Variants in EIF3J observed in about 807,000 individuals in gnomAD.
EIF3J encodes eukaryotic translation initiation factor 3 subunit J, also known as eukaryotic translation initiation factor 3, subunit 1 (alpha, 35kD).
Under a neutral mutation model 39.0 loss-of-function variants are expected in EIF3J, and 15 were observed. The ratio of observed to expected loss-of-function variants is 0.38; its 90% CI spans 0.26 to 0.59. The LOEUF is 0.59. Among genes scored for constraint, EIF3J ranks in the 20% least tolerant of loss-of-function variants. The pLI is 0.60. For missense variants in EIF3J, 226 were observed against 308.6 expected (o/e 0.73, Z 2.00); for synonymous variants, 98 against 112.9 (o/e 0.87, Z 0.84).
At position 44,561,989 on chromosome 15, in the gene EIF3J, AGTTAACTACAGTTTGGTAAATTGTTAT is replaced by A. The variant is rs2082202402; in HGVS notation, c.*847_*873del. 2.0e-5 allele frequency: 3 copies of A among 152,760 alleles called. No individual in the cohort carries two copies. In the South Asian group the frequency reaches 6.2e-4, roughly 32 times the overall value. The allele number at this position is 152,760 out of a possible 1,614,324, so 9.5% of individuals were successfully genotyped here. ...TAAAACATGCTCAGCAAACTGCACCAGTTAACTACAGTTTGGTAAATTGTTATGTTAACAATTATGACATCTGCAATG... is the reference window on the plus strand; with the variant it reads ...TAAAACATGCTCAGCAAACTGCACCAGTTAACAATTATGACATCTGCAATG... On this transcript the variant is annotated 3_prime_UTR_variant, in exon 8 of 8. Coordinates refer to ENST00000261868, the MANE Select transcript of EIF3J (RefSeq NM_003758.4).
At chr15:44,548,428 C>T (rs1286649155) in intron 2 of EIF3J, among the ~76,000 whole-genome samples, 2 of 151,774 alleles carry the variant, frequency 1.3e-5, no homozygotes, top group African/African-American at 4.8e-5. Flanking sequence ...AAAACAAGAC[C>T]AAAAAAACCC....
intron 2 of EIF3J, among the ~76,000 whole-genome samples, chr15:44,538,064 C>G (rs753089634): frequency 2.0e-5 from 3 of 151,982 alleles, no homozygotes; most frequent in Non-Finnish European, 4.4e-5. Flanking sequence ...TAGTTCACAC[C>G]GTGACCTGAG....
chr15:44,560,241 T>G lies in EIF3J; in HGVS notation c.572-8T>G. 1 of 1,597,268 alleles carries G rather than the reference T, an allele frequency of 6.3e-7. No individual in the cohort carries two copies. On this transcript the variant is annotated splice_region_variant and splice_polypyrimidine_tract_variant and intron_variant, in intron 6 of 7. Transcript: ENST00000261868. ...TCAAGTTTAATGGTATGCCCTTTTT[T>G]TTTTAAGTGGAAATTGATGACTTGA...
chr15:44,561,453 C>A lies in EIF3J; in HGVS notation c.*304C>A. 8.7e-6 allele frequency: 2 copies of A among 229,420 alleles called. No homozygotes were observed. The highest frequency in any genetic ancestry group is 8.8e-6 in the Non-Finnish European group (1 of 114,088). The allele number at this position is 229,420 out of a possible 1,614,324, so 14.2% of individuals were successfully genotyped here. A position where few individuals can be genotyped will look rare whatever the true frequency, so the allele number is the denominator to read the frequency against. On this transcript the variant is annotated 3_prime_UTR_variant, in exon 8 of 8. Transcript: ENST00000261868. ...TCACTAAATTGGAAACAAAAGGTTG[C>A]AACGTGACAAAAAAAATTGTGTAGT...
At position 44,561,413 on chromosome 15, in the gene EIF3J, A is replaced by C; in HGVS notation, c.*264A>C. 1 of 263,974 alleles carries C rather than the reference A, an allele frequency of 3.8e-6. No individual in the cohort carries two copies. The highest frequency in any genetic ancestry group is 7.2e-5 in the East Asian group (1 of 13,946). The allele number at this position is 263,974 out of a possible 1,614,324, so 16.4% of individuals were successfully genotyped here. The stretch of plus-strand genomic sequence containing the variant: ...ATAATGTTGTCGTTGTTGCTATCTG[A>C]TTTCATAGCAGCAGTCACTAAATTG... On this transcript the variant is annotated 3_prime_UTR_variant, in exon 8 of 8. Coordinates refer to ENST00000261868, the MANE Select transcript of EIF3J (RefSeq NM_003758.4).
Position 44,555,831 on chromosome 15 carries a change from A to G in EIF3J, c.409+1164A>G, listed in dbSNP as rs147353666. Among the ~76,000 whole-genome samples the G allele has an allele frequency of 4.5e-3, 678 of 152,294 alleles. 4 individuals carry two copies. Among genetic ancestry groups the G allele is most frequent in the African/African-American group, 0.016 (658 of 41,566 alleles). On this transcript the variant is annotated intron_variant, in intron 5 of 7. Transcript: ENST00000261868. The stretch of plus-strand genomic sequence containing the variant: ...TACTTGACATGGAGGATACAGAAGC[A>G]TACTTATCTTAGTGTAAAACTCATC...
chr15:44,537,721 C>T (rs1224395897), intron 2 of EIF3J, among the ~76,000 whole-genome samples: 1 of 152,216 alleles, frequency 6.6e-6, no homozygotes, highest in Non-Finnish European at 1.5e-5. Context: ...GCAAGCTTCG[C>T]GGTCCGGAGC....
rs1245588212 is a variant in EIF3J at position 44,562,152 on chromosome 15, T to A, written c.*1003T>A. On this transcript the variant is annotated 3_prime_UTR_variant, in exon 8 of 8. Coordinates refer to ENST00000261868, the MANE Select transcript of EIF3J (RefSeq NM_003758.4). ...TAGAACACAGCTCTTGGGAGTACAG[T>A]TCTCTACGTTCTCTACTAAATCTTA... The A allele has an allele frequency of 3.3e-5, 5 of 152,634 alleles. No homozygotes were observed. The highest frequency in any genetic ancestry group is 5.9e-5 in the Non-Finnish European group (4 of 68,032). The allele number at this position is 152,634 out of a possible 1,614,324, so 9.5% of individuals were successfully genotyped here.
chr15:44,541,076 G>T (rs1028815844), intron 2 of EIF3J, among the ~76,000 whole-genome samples: 12 of 152,152 alleles, frequency 7.9e-5, no homozygotes, highest in African/African-American at 2.9e-4. Context: ...CTTTTCCCCA[G>T]TTAAAAAGAT....
At chr15:44,541,101 A>C (rs1185654391) in intron 2 of EIF3J, among the ~76,000 whole-genome samples, 1 of 152,212 alleles carries the variant, frequency 6.6e-6, no homozygotes, top group African/African-American at 2.4e-5. Flanking sequence ...ACTCGGGAGC[A>C]TAGTTTCCCA....
chr15:44,545,680 C>T (rs1382499256), intron 2 of EIF3J, among the ~76,000 whole-genome samples: 2 of 152,110 alleles, frequency 1.3e-5, no homozygotes, highest in East Asian at 3.8e-4. Flanking sequence ...AAACATTTAT[C>T]ATTTCTTTGT....
chr15:44,537,793 G>C (rs377645317), intron 2 of EIF3J, among the ~76,000 whole-genome samples: 2 of 152,330 alleles, frequency 1.3e-5, no homozygotes, highest in South Asian at 2.1e-4. Context: ...CATATGGAAA[G>C]CCTTGAGACT....
Position 44,562,630 on chromosome 15 carries a change from TTAAA to T in EIF3J, c.*1486_*1489del, listed in dbSNP as rs1331723668. 1 of 155,500 alleles carries T rather than the reference TTAAA, an allele frequency of 6.4e-6. No individual in the cohort carries two copies. The highest frequency in any genetic ancestry group is 1.4e-5 in the Non-Finnish European group (1 of 69,958). 9.6% of individuals were successfully genotyped at this position (155,500 alleles called of 1,614,324 possible). ...ACTACACAGCAATAATTACAGTAAA[TTAAA>T]TAAAGATTCCTTTAAGGCAGACAAG... On this transcript the variant is annotated 3_prime_UTR_variant, in exon 8 of 8. Transcript: ENST00000261868.
chr15:44,540,235 CTATATATATATA>C (rs1158019805), intron 2 of EIF3J, among the ~76,000 whole-genome samples: 5 of 76,260 alleles, frequency 6.6e-5, no homozygotes, highest in South Asian at 4.2e-4. Context: ...CCGCGCCTGG[CTATATATATATA>C]TATATATATA....
chr15:44,548,837 C>T (rs182465842), intron 2 of EIF3J, among the ~76,000 whole-genome samples: 2 of 152,236 alleles, frequency 1.3e-5, no homozygotes, highest in East Asian at 3.9e-4. Context: ...TACTTCTCAA[C>T]ACTGTTGGAT....
At position 44,537,305 on chromosome 15, in the gene EIF3J, G is replaced by C. The variant is rs1175016347; in HGVS notation, c.44-19G>C. 1.9e-6 allele frequency: 3 copies of C among 1,561,022 alleles called. No homozygotes were observed. Among genetic ancestry groups the C allele is most frequent in the Admixed American group, 3.9e-5 (2 of 51,846 alleles). ...CCCACGCAGTGGCAGGCACTAACAC[G>C]GCTCGCTTTCTTCCGTAGACGCCGA... On this transcript the variant is annotated intron_variant, in intron 1 of 7. Transcript: ENST00000261868.
intron 2 of EIF3J, among the ~76,000 whole-genome samples, chr15:44,539,049 G>A (rs1235902523): frequency 1.4e-5 from 2 of 140,406 alleles, no homozygotes; most frequent in Non-Finnish European, 3.1e-5. Context: ...TTTTTGAGAT[G>A]GAGTTTCGCT....
At chr15:44,548,407 C>G (rs1244219616) in intron 2 of EIF3J, among the ~76,000 whole-genome samples, 1 of 152,074 alleles carries the variant, frequency 6.6e-6, no homozygotes, top group Non-Finnish European at 1.5e-5. Flanking sequence ...AAGAGTGAAA[C>G]TCCGTCTCAA....
chr15:44,557,501 C>T lies in EIF3J; in HGVS notation c.422C>T (p.Ala141Val). The part of the protein sequence containing the change: ...LAKETFGVNN[A>V]VYGIDAMNPS... ...TTTTCTCCTACAGGTGTTAATAATG[C>T]AGTTTATGGAATAGATGCTATGAAC... is the stretch of plus-strand genomic sequence containing the variant. The change falls in exon 6 of 8, where the codon GCA becomes GTA. Residue 141 changes from alanine to valine, a missense_variant. By Grantham distance (64) the Ala-to-Val change is moderately conservative. Around this residue, in one of 2 missense-constraint regions of EIF3J, gnomAD observed 83 missense variants for 152.6 expected, o/e 0.54. Coordinates refer to ENST00000261868, the MANE Select transcript of EIF3J (RefSeq NM_003758.4). 6.6e-7 allele frequency: 1 copy of T among 1,522,538 alleles called. No individual in the cohort carries two copies. Among genetic ancestry groups the T allele is most frequent in the South Asian group, 1.4e-5 (1 of 73,082 alleles). 94.3% of individuals were successfully genotyped at this position (1,522,538 alleles called of 1,614,324 possible).
Sources: allele counts gnomAD v4.1 joint callset (sites outside exome capture counted in the v4.1 genomes callset), GRCh38; gene constraint gnomAD v4.1.1; regional missense constraint gnomAD v4.1.1; transcripts MANE v1.5; gene names NCBI Gene and HGNC (gene_info 2026-07-23, HGNC 2026-07-21).